The following SLC39A11 variants were observed in gnomAD, a reference collection of about 807,000 sequenced individuals.
SLC39A11 encodes the protein solute carrier family 39 member 11.
A neutral mutation model predicts 36.1 loss-of-function variants in SLC39A11; 33 were observed. That is an observed-to-expected ratio of 0.91 (90% CI 0.69 to 1.22). SLC39A11 has a LOEUF of 1.22. Ranked by LOEUF, SLC39A11 falls within the 50% of genes most tolerant of loss-of-function variation. The pLI is 0.00. For synonymous variants in SLC39A11, 166 were observed against 170.3 expected (o/e 0.97, Z 0.20); for missense variants, 432 against 430.3 (o/e 1.00, Z -0.03).
At chr17:73,091,453 T>A (rs964210748) in intron 1 of SLC39A11, among the ~76,000 whole-genome samples, 15 of 151,384 alleles carry the variant, frequency 9.9e-5, no homozygotes, top group East Asian at 3.9e-4. Flanking sequence ...CAAAAAAAAA[T>A]AAAAATAAAT....
chr17:73,060,134 C>T (rs912496743), intron 3 of SLC39A11, among the ~76,000 whole-genome samples: 3 of 146,576 alleles, frequency 2.0e-5, no homozygotes, highest in Admixed American at 7.0e-5. Context: ...CGCCTGAAGC[C>T]GGGAGGCAGA....
chr17:72,973,482 T>C (rs554311404), intron 4 of SLC39A11, among the ~76,000 whole-genome samples: 1 of 152,274 alleles, frequency 6.6e-6, no homozygotes, highest in South Asian at 2.1e-4. Flanking sequence ...GGGGAGGCTG[T>C]AGGTCTAGGA....
At chr17:72,993,436 G>A (rs1370722066) in intron 4 of SLC39A11, among the ~76,000 whole-genome samples, 2 of 152,224 alleles carry the variant, frequency 1.3e-5, no homozygotes, top group African/African-American at 2.4e-5. Context: ...AGTGTCCACA[G>A]ATGATTAAAA....
chr17:72,741,099 C>T (rs976619420), intron 6 of SLC39A11, among the ~76,000 whole-genome samples: 2 of 152,130 alleles, frequency 1.3e-5, no homozygotes, highest in African/African-American at 2.4e-5. Context: ...AGCAGACGCC[C>T]GCAACACTTG....
At chr17:72,942,449 A>C (rs2147633286) in intron 5 of SLC39A11, among the ~76,000 whole-genome samples, 1 of 152,334 alleles carries the variant, frequency 6.6e-6, no homozygotes, top group East Asian at 1.9e-4. Flanking sequence ...TAAAAAGTCA[A>C]AATTAATAAC....
intron 5 of SLC39A11, among the ~76,000 whole-genome samples, chr17:72,909,980 C>T (rs556285271): frequency 6.4e-4 from 98 of 152,014 alleles, no homozygotes; most frequent in Middle Eastern, 3.4e-3. Context: ...TCTCGATCTC[C>T]TCACCTCATG....
chr17:72,815,912 CTG>C (rs2077567724), intron 6 of SLC39A11, among the ~76,000 whole-genome samples: 1 of 152,200 alleles, frequency 6.6e-6, no homozygotes, highest in Admixed American at 6.5e-5. Context: ...CAGAGTAAAA[CTG>C]TGTCTCAAAA....
chr17:72,903,884 C>T (rs72847977), intron 5 of SLC39A11, among the ~76,000 whole-genome samples: 7,289 of 152,230 alleles, frequency 0.048, 207 homozygotes, highest in Non-Finnish European at 0.063. Flanking sequence ...CTCCCTCTCA[C>T]CCTGCTATAT....
chr17:72,737,955 A>G (rs12940991), intron 6 of SLC39A11, among the ~76,000 whole-genome samples: 50,486 of 152,022 alleles, frequency 0.33, 10,219 homozygotes, highest in Middle Eastern at 0.5. Context: ...TCAGTAGCAA[A>G]GGAGGAGGGG....
At chr17:73,060,210 C>CAAAAAAAAAAAAAAAA (rs33931672) in intron 3 of SLC39A11, among the ~76,000 whole-genome samples, 3 of 70,338 alleles carry the variant, frequency 4.3e-5, no homozygotes, top group African/African-American at 5.6e-5. Context: ...AACTCCATCT[C>CAAAAAAAAAAAAAAAA]AAAAAAAAAA....
intron 6 of SLC39A11, among the ~76,000 whole-genome samples, chr17:72,778,040 G>T (rs1236480062): frequency 6.6e-6 from 1 of 152,272 alleles, no homozygotes; most frequent in Non-Finnish European, 1.5e-5. Flanking sequence ...GAATAGCTGG[G>T]ATTACAGGTG....
chr17:72,881,527 G>T (rs571062161), intron 5 of SLC39A11, among the ~76,000 whole-genome samples: 28 of 152,150 alleles, frequency 1.8e-4, no homozygotes, highest in Non-Finnish European at 3.1e-4. Flanking sequence ...GCCTCTAAAT[G>T]TTAAGTGGGT....
At chr17:72,949,144 C>CTT (rs56036208) in intron 4 of SLC39A11, among the ~76,000 whole-genome samples, 964 of 36,500 alleles carry the variant, frequency 0.026, 242 homozygotes, top group Middle Eastern at 0.077. Context: ...CACTGGGCAG[C>CTT]TTTTTTTTTT....
chr17:72,682,069 C>G (rs921743687), intron 7 of SLC39A11, among the ~76,000 whole-genome samples: 2 of 152,156 alleles, frequency 1.3e-5, no homozygotes, highest in Admixed American at 6.5e-5. Flanking sequence ...ATTAGACTCT[C>G]AGAGGAGCAC....
At chr17:73,070,609 G>A (rs969568428) in intron 3 of SLC39A11, among the ~76,000 whole-genome samples, 14 of 152,166 alleles carry the variant, frequency 9.2e-5, no homozygotes, top group African/African-American at 3.4e-4. Context: ...GTCACCTGGT[G>A]ATATGGTTTG....
chr17:73,033,103 C>A (rs1045566112), intron 3 of SLC39A11, among the ~76,000 whole-genome samples: 1 of 152,154 alleles, frequency 6.6e-6, no homozygotes, highest in African/African-American at 2.4e-5. Flanking sequence ...AACCTAGATC[C>A]GTGGCATGTA....
intron 3 of SLC39A11, among the ~76,000 whole-genome samples, chr17:73,082,486 T>C (rs1020490430): frequency 6.6e-6 from 1 of 152,144 alleles, no homozygotes; most frequent in Admixed American, 6.5e-5. Flanking sequence ...TTCTTTTTTG[T>C]TTTGTTTTTT....
chr17:73,003,495 G>C (rs1407218654), intron 4 of SLC39A11, among the ~76,000 whole-genome samples: 1 of 152,156 alleles, frequency 6.6e-6, no homozygotes. Context: ...TAGAGAGGAG[G>C]CAGACAAGAC....
At chr17:72,811,069 A>C (rs1458592304) in intron 6 of SLC39A11, among the ~76,000 whole-genome samples, 1 of 44,116 alleles carries the variant, frequency 2.3e-5, no homozygotes, top group Non-Finnish European at 4.1e-5. Context: ...GAATAAAAGC[A>C]AAAAAAAAAA....
Sources: gnomAD v4.1 joint callset for allele counts (sites outside exome capture counted in the v4.1 genomes callset) on GRCh38, gnomAD v4.1.1 for gene constraint, MANE v1.5 for transcripts, NCBI Gene and HGNC (gene_info 2026-07-23, HGNC 2026-07-21) for gene names.